Variants in DDC observed in about 807,000 individuals in gnomAD.
DDC encodes the protein dopa decarboxylase, also known as aromatic-L-amino-acid decarboxylase.
DDC carries 43 observed loss-of-function variants against 60.0 expected under a neutral mutation model. That is an observed-to-expected ratio of 0.72 (90% CI 0.56 to 0.92). DDC has a LOEUF of 0.92. DDC is among the 40% of genes least tolerant of loss of function. The pLI is 0.00. For missense variants in DDC, 573 were observed against 620.2 expected (o/e 0.92, Z 0.81); for synonymous variants, 232 against 234.6 (o/e 0.99, Z 0.10).
chr7:50,560,477 C>A (rs1038030025), intron 1 of DDC, among the ~76,000 whole-genome samples: 2 of 152,108 alleles, frequency 1.3e-5, no homozygotes, highest in Non-Finnish European at 2.9e-5. Context: ...TAAAATCAAA[C>A]CTGGTTTTTA....
At position 50,528,165 on chromosome 7, in the gene DDC, T is replaced by C; in HGVS notation, c.686A>G (p.Asp229Gly). ...ASALQEALER[D>G]KAAGLIPFFM... is the part of the protein sequence containing the mutation. The stretch of plus-strand genomic sequence containing the variant: ...GAAAGGAATCAGGCCAGCCGCTTTG[T>C]CTCTCTCCAGGGCTTCCTGCAGGGC... The change falls in exon 6 of 15, where the codon GAC (aspartate) becomes GGC (glycine). Residue 229 changes from aspartate to glycine, a missense_variant. Transcript: ENST00000444124. 1 of 1,613,544 alleles carries C rather than the reference T, an allele frequency of 6.2e-7. No homozygotes were observed. Among genetic ancestry groups the C allele is most frequent in the Non-Finnish European group, 8.5e-7 (1 of 1,180,032 alleles).
At chr7:50,495,315 A>T (rs1253389975) in intron 9 of DDC, 35 bp downstream of exon 9, 3 of 1,539,018 alleles carry the variant, frequency 1.9e-6, no homozygotes, top group African/African-American at 1.4e-5. Context: ...GTCACCTCGG[A>T]CAGGCAACTG....
chr7:50,503,046 C>T (rs2043298322), intron 7 of DDC, among the ~76,000 whole-genome samples: 1 of 152,214 alleles, frequency 6.6e-6, no homozygotes, highest in Non-Finnish European at 1.5e-5. Context: ...AGAGGAGGGT[C>T]CACTCCTCTG....
At chr7:50,503,332 A>C (rs2153540454) in intron 7 of DDC, among the ~76,000 whole-genome samples, 1 of 152,348 alleles carries the variant, frequency 6.6e-6, no homozygotes, top group African/African-American at 2.4e-5. Context: ...AGACCTGCTG[A>C]GTTCCCAGAG....
intron 9 of DDC, 75 bp downstream of exon 9, chr7:50,495,275 C>T (rs2153538953): frequency 2.7e-6 from 3 of 1,126,554 alleles, no homozygotes; most frequent in South Asian, 2.5e-5. Context: ...CCCTTTGGCT[C>T]TGGCATCTTC....
intron 8 of DDC, among the ~76,000 whole-genome samples, chr7:50,498,590 G>A (rs1185102880): frequency 1.3e-5 from 2 of 152,166 alleles, no homozygotes; most frequent in Non-Finnish European, 2.9e-5. Flanking sequence ...TTGCTTTTTG[G>A]AGAAGCGGAG....
rs775862969 is a variant in DDC, at chr7:50,470,159, G to A, written c.1054C>T (p.Pro352Ser). The A allele has an allele frequency of 1.2e-6, 2 of 1,610,312 alleles. No individual in the cohort carries two copies. Among genetic ancestry groups the A allele is most frequent in the South Asian group, 2.2e-5 (2 of 90,994 alleles). The stretch of plus-strand genomic sequence containing the variant: ...AAAGAGCGAAATCTTCTGCCCAGTG[G>A]TATCTGCCAATGCTGAAATGAAACA... ...LITDYRHWQI[P>S]LGRRFRSLKM... The change falls in exon 12 of 15, where the codon CCA becomes TCA. Residue 352 changes from proline (P) to serine (S), a missense_variant. Coordinates refer to ENST00000444124, the MANE Select transcript of DDC (RefSeq NM_001082971.2).
chr7:50,511,373 A>G (rs1210745007), intron 6 of DDC, among the ~76,000 whole-genome samples: 1 of 152,110 alleles, frequency 6.6e-6, no homozygotes, highest in African/African-American at 2.4e-5. Flanking sequence ...TGATGTAAAG[A>G]AAGAAAATCT....
chr7:50,481,258 G>A (rs2042761224), intron 9 of DDC, among the ~76,000 whole-genome samples: 1 of 152,148 alleles, frequency 6.6e-6, no homozygotes, highest in Non-Finnish European at 1.5e-5. Flanking sequence ...ATAATAAGCT[G>A]TCTAGTGTAT....
intron 1 of DDC, among the ~76,000 whole-genome samples, chr7:50,552,691 G>A (rs1470052777): frequency 6.6e-6 from 1 of 152,246 alleles, no homozygotes; most frequent in Non-Finnish European, 1.5e-5. Context: ...TGCAGGACCA[G>A]TCAGGGGCCC....
chr7:50,536,969 TGACATGA>T (rs11575323), intron 4 of DDC, among the ~76,000 whole-genome samples: 13,448 of 151,752 alleles, frequency 0.089, 935 homozygotes, highest in South Asian at 0.14. Flanking sequence ...ATCATCTACT[TGACATGA>T]GAAAAATGAT....
chr7:50,508,252 A>G lies in DDC; in HGVS notation c.715-4193T>C, dbSNP rs73336853. Among the ~76,000 whole-genome samples, 1,135 of 152,358 alleles carry G rather than the reference A, an allele frequency of 7.4e-3. 20 individuals carry two copies. The highest frequency in any genetic ancestry group is 0.026 in the African/African-American group (1,096 of 41,588). The stretch of plus-strand genomic sequence containing the variant: ...TTAAAGCCAGCACCTGCTCCGCTCC[A>G]GGCTCTGATTACTCCAGCTCAGCAT... On this transcript the variant is annotated intron_variant, in intron 6 of 14. Coordinates refer to ENST00000444124, the MANE Select transcript of DDC (RefSeq NM_001082971.2).
intron 6 of DDC, 92 bp downstream of exon 6, chr7:50,528,045 C>A (rs2044087359): frequency 7.0e-7 from 1 of 1,428,866 alleles, no homozygotes; most frequent in Non-Finnish European, 9.5e-7. Flanking sequence ...TACAAGAATG[C>A]GCCACCATGC....
At chr7:50,520,402 G>C (rs2043857980) in intron 6 of DDC, among the ~76,000 whole-genome samples, 1 of 152,130 alleles carries the variant, frequency 6.6e-6, no homozygotes, top group African/African-American at 2.4e-5. Context: ...AACTCTTAGA[G>C]ATCAAACAAC....
At chr7:50,495,562 T>C in intron 8 of DDC, 145 bp from the exon 9 acceptor site, 1 of 697,998 alleles carries the variant, frequency 1.4e-6, no homozygotes. Context: ...AGGGGAGTAG[T>C]AACTTGTAGT....
In DDC at chr7:50,499,217, G is replaced by A. The variant is rs138333052; in HGVS notation, c.807C>T (p.His269=). The A allele has an allele frequency of 2.9e-5, 46 of 1,613,208 alleles. No homozygotes were observed. In the African/African-American group the frequency reaches 4.1e-4, roughly 15 times the overall value. ...PICNKEDIWL[H]VDAAYAGSAF... ...CACTGCCTGCGTAGGCTGCATCAAC[G>A]TGCAGCCATATGTCTTCCTTGTTGC... The change falls in exon 8 of 15, where the codon CAC becomes CAT. Residue 269 remains histidine, a synonymous_variant. Transcript: ENST00000444124.
chr7:50,561,187 C>T (rs1197795926), intron 1 of DDC: 1 of 152,298 alleles, frequency 6.6e-6, no homozygotes, highest in African/African-American at 2.4e-5. Context: ...CACCCTCCCA[C>T]CACCTCCTGC....
At position 50,503,982 on chromosome 7, in the gene DDC, C is replaced by T. The variant is rs752563586; in HGVS notation, c.781+11G>A. Reference sequence around the variant, plus strand: ...ACATTTTCCAAAAAGAAAATGGAATCGGATACTTACAGATAGGACCGACTT... The same window carrying T: ...ACATTTTCCAAAAAGAAAATGGAATTGGATACTTACAGATAGGACCGACTT... On this transcript the variant is annotated intron_variant, in intron 7 of 14. Transcript: ENST00000444124. 19 of 1,604,528 alleles carry T rather than the reference C, an allele frequency of 1.2e-5. No homozygotes were observed. In the Admixed American group the frequency reaches 2.5e-4, roughly 21 times the overall value.
At chr7:50,518,188 G>C (rs553637571) in intron 6 of DDC, among the ~76,000 whole-genome samples, 1 of 148,692 alleles carries the variant, frequency 6.7e-6, no homozygotes, top group Non-Finnish European at 1.5e-5. Context: ...CTCCACCCTG[G>C]GTGACAGAGC....
Sources: allele counts gnomAD v4.1 joint callset (sites outside exome capture counted in the v4.1 genomes callset), GRCh38; gene constraint gnomAD v4.1.1; transcripts MANE v1.5; gene names NCBI Gene and HGNC (gene_info 2026-07-23, HGNC 2026-07-21).